Variants in SGCZ observed in about 807,000 individuals in gnomAD.
SGCZ encodes the protein zeta-sarcoglycan.
SGCZ carries 40 observed loss-of-function variants against 41.3 expected under a neutral mutation model. The observed-to-expected ratio is 0.97, with a 90% confidence interval of 0.75 to 1.26. The LOEUF (loss-of-function observed/expected upper bound fraction) is 1.26, where lower values mean the gene tolerates loss of function less well. Among genes scored for constraint, SGCZ ranks in the 50% most tolerant of loss-of-function variants. The pLI is 0.00. For missense variants in SGCZ, 552 were observed against 369.8 expected (o/e 1.49, Z -4.04); for synonymous variants, 206 against 137.5 (o/e 1.50, Z -3.49).
intron 1 of SGCZ, among the ~76,000 whole-genome samples, chr8:14,751,751 T>C (rs1799504498): frequency 1.3e-5 from 2 of 151,954 alleles, no homozygotes; most frequent in Non-Finnish European, 2.9e-5. Flanking sequence ...GGTTTCACCA[T>C]GTTAGCCAGG....
At chr8:14,424,923 A>C (rs771793528) in intron 2 of SGCZ, among the ~76,000 whole-genome samples, 1 of 152,198 alleles carries the variant, frequency 6.6e-6, no homozygotes, top group South Asian at 2.1e-4. Flanking sequence ...TTAGCCTCTC[A>C]TACTAAGTAA....
intron 1 of SGCZ, among the ~76,000 whole-genome samples, chr8:14,762,864 T>C (rs1486119255): frequency 1.3e-5 from 2 of 152,206 alleles, no homozygotes; most frequent in African/African-American, 2.4e-5. Flanking sequence ...TATAACAAGA[T>C]AGAAAGAGCA....
At chr8:15,055,942 A>C (rs1187972040) in intron 1 of SGCZ, among the ~76,000 whole-genome samples, 2 of 152,158 alleles carry the variant, frequency 1.3e-5, no homozygotes. Flanking sequence ...TTTTTCCAAC[A>C]ACTAAACTTA....
intron 4 of SGCZ, 90 bp from the exon 5 acceptor site, chr8:14,164,792 T>A: frequency 2.8e-6 from 4 of 1,426,128 alleles, no homozygotes; most frequent in Non-Finnish European, 3.8e-6. Context: ...AATGCATATA[T>A]TATTTAATTT....
intron 1 of SGCZ, among the ~76,000 whole-genome samples, chr8:15,184,268 T>C (rs1008881289): frequency 6.6e-6 from 1 of 152,204 alleles, no homozygotes; most frequent in Admixed American, 6.5e-5. Flanking sequence ...CCTTATGCTT[T>C]TAAAATTTTC....
chr8:14,681,240 A>C (rs1808436945), intron 1 of SGCZ, among the ~76,000 whole-genome samples: 1 of 152,130 alleles, frequency 6.6e-6, no homozygotes, highest in South Asian at 2.1e-4. Flanking sequence ...GGGAGGAAAA[A>C]AGACATTATG....
At chr8:15,172,151 T>G (rs968230192) in intron 1 of SGCZ, among the ~76,000 whole-genome samples, 122 of 101,486 alleles carry the variant, frequency 1.2e-3, no homozygotes, top group African/African-American at 4.9e-3. Flanking sequence ...CCTTTTATAC[T>G]CTGTTTTTTT....
At chr8:14,464,920 A>C (rs2116962542) in intron 2 of SGCZ, among the ~76,000 whole-genome samples, 1 of 151,618 alleles carries the variant, frequency 6.6e-6, no homozygotes, top group East Asian at 1.9e-4. Context: ...TCCTAATTTA[A>C]TGCCATTGTG....
intron 1 of SGCZ, among the ~76,000 whole-genome samples, chr8:14,900,996 T>C (rs1798950283): frequency 6.6e-6 from 1 of 152,192 alleles, no homozygotes; most frequent in Admixed American, 6.5e-5. Context: ...GGCTTTGAGG[T>C]TTGATAATCA....
intron 1 of SGCZ, among the ~76,000 whole-genome samples, chr8:14,735,639 G>C (rs1034274051): frequency 6.6e-6 from 1 of 152,070 alleles, no homozygotes; most frequent in African/African-American, 2.4e-5. Context: ...CTTGCAGATG[G>C]CCTATAGTGA....
chr8:14,498,385 G>C (rs1802054805), intron 2 of SGCZ, among the ~76,000 whole-genome samples: 1 of 151,950 alleles, frequency 6.6e-6, no homozygotes, highest in Non-Finnish European at 1.5e-5. Context: ...ATACATTTTG[G>C]TTGATATACC....
At chr8:15,213,710 A>T (rs749869553) in intron 1 of SGCZ, among the ~76,000 whole-genome samples, 31 of 151,868 alleles carry the variant, frequency 2.0e-4, no homozygotes, top group Non-Finnish European at 2.7e-4. Flanking sequence ...AAAAAAGTGA[A>T]AAGATATTTA....
chr8:14,726,459 A>G (rs767070956), intron 1 of SGCZ, among the ~76,000 whole-genome samples: 16 of 151,362 alleles, frequency 1.1e-4, no homozygotes, highest in Middle Eastern at 3.5e-3. Flanking sequence ...TAAGTCATTT[A>G]ACAAAAGCTG....
intron 3 of SGCZ, among the ~76,000 whole-genome samples, chr8:14,293,565 A>C (rs1347707541): frequency 6.6e-6 from 1 of 151,952 alleles, no homozygotes; most frequent in East Asian, 1.9e-4. Context: ...ATTTCTAGGT[A>C]GTGTAATGGG....
rs140123113 is a variant in SGCZ, at chr8:15,051,108, G to A, written c.39+186477C>T. 1.1e-3 allele frequency among the ~76,000 whole-genome samples: 163 copies of A among 152,260 alleles called. 1 individual carries two copies. Among genetic ancestry groups the A allele is most frequent in the African/African-American group, 3.8e-3 (159 of 41,572 alleles). ...TTATTCTGAAATCAAACTGCTGACA[G>A]CTTCTTTCTTCTTCAGTCCTTCTTC... On this transcript the variant is annotated intron_variant, in intron 1 of 7. Coordinates refer to ENST00000382080, the MANE Select transcript of SGCZ (RefSeq NM_139167.4).
intron 2 of SGCZ, among the ~76,000 whole-genome samples, chr8:14,466,511 A>G (rs536837126): frequency 6.6e-6 from 1 of 152,060 alleles, no homozygotes; most frequent in South Asian, 2.1e-4. Flanking sequence ...ACTCTTGAAA[A>G]TTCAGTGTCA....
At chr8:14,994,226 G>A (rs1306006978) in intron 1 of SGCZ, among the ~76,000 whole-genome samples, 1 of 152,130 alleles carries the variant, frequency 6.6e-6, no homozygotes, top group Non-Finnish European at 1.5e-5. Context: ...ACAGAACCAT[G>A]GGCATCTTCA....
intron 4 of SGCZ, among the ~76,000 whole-genome samples, chr8:14,206,809 T>C (rs1332706548): frequency 2.0e-5 from 3 of 152,166 alleles, no homozygotes; most frequent in Admixed American, 6.6e-5. Flanking sequence ...TCTAGCCCTA[T>C]CTCTGTCATT....
intron 5 of SGCZ, among the ~76,000 whole-genome samples, chr8:14,147,216 A>G (rs1038685005): frequency 6.6e-6 from 1 of 152,146 alleles, no homozygotes; most frequent in African/African-American, 2.4e-5. Flanking sequence ...AAGAGATCAC[A>G]AAACAACCAG....
Sources: gnomAD v4.1 joint callset for allele counts (sites outside exome capture counted in the v4.1 genomes callset) on GRCh38, gnomAD v4.1.1 for gene constraint, MANE v1.5 for transcripts, NCBI Gene and HGNC (gene_info 2026-07-23, HGNC 2026-07-21) for gene names.